RAP1GAP: variants seen among roughly 807,000 people sequenced by gnomAD.
The protein encoded by RAP1GAP is RAP1 GTPase activating protein.
In RAP1GAP, 35 loss-of-function variants were observed where a neutral mutation model predicts 87.2. The observed-to-expected ratio is 0.40, with a 90% CI of 0.31 to 0.53. The LOEUF is 0.53. Among genes scored for constraint, RAP1GAP ranks in the 20% least tolerant of loss-of-function variants. The pLI is 0.48. For missense variants in RAP1GAP, 734 were observed against 898.9 expected (o/e 0.82, Z 2.35); for synonymous variants, 375 against 363.9 (o/e 1.03, Z -0.35).
rs181692828 is a variant in RAP1GAP, at chr1:21,603,195, C to T, written c.1429-282G>A. 651 of 442,272 alleles carry T rather than the reference C, an allele frequency of 1.5e-3. 4 individuals carry two copies. Among genetic ancestry groups the T allele is most frequent in the African/African-American group, 0.012 (590 of 50,260 alleles). The allele number at this position is 442,272 out of a possible 1,614,324, so 27.4% of individuals were successfully genotyped here. On this transcript the variant is annotated intron_variant, in intron 18 of 24. Coordinates refer to ENST00000374765, the MANE Select transcript of RAP1GAP (RefSeq NM_002885.4). This position sits in a 1 kb window ranked among gnomAD's most constrained non-coding sequence, Gnocchi z 6.0. Reference sequence around the variant, plus strand: ...TGAGGGGGCTAGGGTGGGAGGAGGCCGAGTCCTCAGAATGGCTACCGCTCC... The same window carrying T: ...TGAGGGGGCTAGGGTGGGAGGAGGCTGAGTCCTCAGAATGGCTACCGCTCC...
intron 1 of RAP1GAP, among the ~76,000 whole-genome samples, chr1:21,659,290 T>C (rs1044628370): frequency 6.6e-6 from 1 of 152,164 alleles, no homozygotes; most frequent in Non-Finnish European, 1.5e-5. Flanking sequence ...TCATAAGAAC[T>C]GCAGGCGACG....
Position 21,649,795 on chromosome 1 carries a change from C to T in RAP1GAP, c.-147G>A. The T allele has an allele frequency of 6.4e-7, 1 of 1,552,178 alleles. No individual in the cohort carries two copies. The highest frequency in any genetic ancestry group is 8.7e-7 in the Non-Finnish European group (1 of 1,147,258). On this transcript the variant is annotated splice_region_variant and 5_prime_UTR_variant, in exon 2 of 25. It adds an upstream start codon to the 5' untranslated region. Transcript: ENST00000374765. ...CGGCGAGAAGTGAAGGACTTGTCCA[C>T]CCTGAAACACAACAAGAGGGGCCAT...
intron 2 of RAP1GAP, among the ~76,000 whole-genome samples, chr1:21,641,074 A>ATTTTTTTTTTTT (rs546229041): frequency 1.5e-5 from 2 of 132,134 alleles, no homozygotes; most frequent in Non-Finnish European, 1.6e-5. Flanking sequence ...CGCCCAGCTA[A>ATTTTTTTTTTTT]TTTTTTTTTT....
intron 1 of RAP1GAP, among the ~76,000 whole-genome samples, chr1:21,659,250 G>T (rs1247530640): frequency 6.6e-6 from 1 of 152,138 alleles, no homozygotes. Flanking sequence ...CCGGGAGTCC[G>T]CCGCGGTCTC....
chr1:21,640,962 C>A (rs559426364), intron 2 of RAP1GAP, among the ~76,000 whole-genome samples: 1 of 151,820 alleles, frequency 6.6e-6, no homozygotes, highest in Non-Finnish European at 1.5e-5. Context: ...GGCTGGAGTG[C>A]GGTGGTGTGA....
chr1:21,649,833 A>G (rs1347426169), intron 1 of RAP1GAP, 37 bp from the exon 2 acceptor site: 2 of 1,547,114 alleles, frequency 1.3e-6, no homozygotes, highest in Non-Finnish European at 1.7e-6. Flanking sequence ...GTGAGGGGAC[A>G]TCCCTTCTCA....
rs769852665 is a variant in RAP1GAP, at chr1:21,603,814, G to A, written c.1429-901C>T. The A allele has an allele frequency of 1.7e-5, 27 of 1,607,760 alleles. No individual in the cohort carries two copies. The highest frequency in any genetic ancestry group is 5.0e-5 in the Admixed American group (3 of 59,910). On this transcript the variant is annotated intron_variant, in intron 18 of 24. Transcript: ENST00000374765. This position sits in a 1 kb window ranked among gnomAD's most constrained non-coding sequence, Gnocchi z 6.0. ...GCGCGTGCAGGCAGCCTCCAGAGCC[G>A]GCGGCCCCGCGGACGACAACCTCTT...
intron 2 of RAP1GAP, among the ~76,000 whole-genome samples, chr1:21,635,304 AG>A (rs1026865307): frequency 6.6e-6 from 1 of 152,028 alleles, no homozygotes; most frequent in Non-Finnish European, 1.5e-5. Flanking sequence ...TCCGCAGCCC[AG>A]GGGGTCTCCC....
chr1:21,627,717 A>T (rs1377162379), intron 2 of RAP1GAP, among the ~76,000 whole-genome samples: 1 of 151,970 alleles, frequency 6.6e-6, no homozygotes, highest in Admixed American at 6.6e-5. Context: ...GCCCAGTCTG[A>T]GCCTCCCTTC....
At chr1:21,653,543 A>ACTTC (rs71569840) in intron 1 of RAP1GAP, among the ~76,000 whole-genome samples, 19,197 of 123,466 alleles carry the variant, frequency 0.16, 1,925 homozygotes, top group South Asian at 0.21. Context: ...GAAGGGAGGA[A>ACTTC]CTTCCTTCCT....
Position 21,609,563 on chromosome 1 carries a change from G to C in RAP1GAP, c.1071+12C>G. ...GTCCTGCTCTGCCCATGACTGGGGG[G>C]GTGCCCCTCACCTTCCTGAACACAG... On this transcript the variant is annotated intron_variant, in intron 15 of 24. Coordinates refer to ENST00000374765, the MANE Select transcript of RAP1GAP (RefSeq NM_002885.4). This position sits in a 1 kb window ranked among gnomAD's most constrained non-coding sequence, Gnocchi z 4.4. 6.7e-7 allele frequency: 1 copy of C among 1,489,954 alleles called. No homozygotes were observed. Among genetic ancestry groups the C allele is most frequent in the Non-Finnish European group, 9.1e-7 (1 of 1,101,664 alleles). The allele number at this position is 1,489,954 out of a possible 1,614,324, so 92.3% of individuals were successfully genotyped here.
rs1298126775 is a variant in RAP1GAP, at chr1:21,654,005, G to C, written c.-148-4209C>G. Among the ~76,000 whole-genome samples the C allele has an allele frequency of 8.6e-5, 13 of 151,548 alleles. No individual in the cohort carries two copies. In the East Asian group the frequency reaches 2.0e-3, roughly 23 times the overall value. On this transcript the variant is annotated intron_variant, in intron 1 of 24. Transcript: ENST00000374765. The stretch of plus-strand genomic sequence containing the variant: ...TTGAGAGGGGCCATGGGGGCTGAAG[G>C]GTTCCCACCGAAGACAAAGAGCCCA...
At chr1:21,663,540 A>T (rs2097225644) in intron 1 of RAP1GAP, among the ~76,000 whole-genome samples, 1 of 152,192 alleles carries the variant, frequency 6.6e-6, no homozygotes, top group South Asian at 2.1e-4. Flanking sequence ...CCGAGCTTGC[A>T]GGCAGGAAGA....
Position 21,660,365 on chromosome 1 carries a change from G to T in RAP1GAP, c.-149+8889C>A, listed in dbSNP as rs147480589. On this transcript the variant is annotated intron_variant, in intron 1 of 24. Transcript: ENST00000374765. ...TATATATATTTATTGAGACAGTCTC[G>T]CTCTGTCACCCAGGCTGGAGTGCAA... Among the ~76,000 whole-genome samples the T allele has an allele frequency of 3.0e-3, 119 of 39,130 alleles. 1 individual carries two copies. The highest frequency in any genetic ancestry group is 0.011 in the African/African-American group (114 of 10,646). 25.7% of individuals were successfully genotyped at this position (39,130 alleles called of 152,430 possible).
At chr1:21,630,492 G>A (rs2093517593) in intron 2 of RAP1GAP, among the ~76,000 whole-genome samples, 1 of 151,034 alleles carries the variant, frequency 6.6e-6, no homozygotes, top group Non-Finnish European at 1.5e-5. Context: ...CCGGGCTCAA[G>A]AGATCCTCCC....
At position 21,626,299 on chromosome 1, in the gene RAP1GAP, C is replaced by T; in HGVS notation, c.-19+5G>A. ...GGGGCCGTAGGTATGGAGGGGGACA[C>T]TTACCTTAGGGTAGAGTGAAGGAGT... On this transcript the variant is annotated splice_donor_5th_base_variant and intron_variant, in intron 3 of 24. Transcript: ENST00000374765. The T allele has an allele frequency of 6.3e-7, 1 of 1,596,810 alleles. No homozygotes were observed. Among genetic ancestry groups the T allele is most frequent in the Non-Finnish European group, 8.6e-7 (1 of 1,164,396 alleles).
At chr1:21,624,679 G>A (rs528017859) in intron 3 of RAP1GAP, among the ~76,000 whole-genome samples, 31 of 152,258 alleles carry the variant, frequency 2.0e-4, no homozygotes, top group South Asian at 1.0e-3. Flanking sequence ...GTGGGCTGTC[G>A]GGAAGGGAAG....
intron 2 of RAP1GAP, among the ~76,000 whole-genome samples, chr1:21,642,417 A>G (rs2095609170): frequency 6.6e-6 from 1 of 152,166 alleles, no homozygotes; most frequent in Admixed American, 6.5e-5. Flanking sequence ...TCCAGGTAGT[A>G]CTTTTATTGC....
Position 21,603,088 on chromosome 1 carries a change from G to A in RAP1GAP, c.1429-175C>T. ...CCTCCCAGTTTACGAAAGGGAAACA[G>A]TCCCCAGGAGGGCAAGGGGCTCTCC... is the stretch of plus-strand genomic sequence containing the variant. On this transcript the variant is annotated intron_variant, in intron 18 of 24. Transcript: ENST00000374765. This position sits in a 1 kb window ranked among gnomAD's most constrained non-coding sequence, Gnocchi z 6.0. 1.7e-6 allele frequency: 1 copy of A among 586,122 alleles called. No individual in the cohort carries two copies. The highest frequency in any genetic ancestry group is 3.0e-6 in the Non-Finnish European group (1 of 329,362). 36.3% of individuals were successfully genotyped at this position (586,122 alleles called of 1,614,324 possible).
Sources: gnomAD v4.1 joint callset for allele counts (sites outside exome capture counted in the v4.1 genomes callset) on GRCh38, gnomAD v4.1.1 for gene constraint, Gnocchi (gnomAD v3.1) non-coding constraint, MANE v1.5 for transcripts, NCBI Gene and HGNC (gene_info 2026-07-23, HGNC 2026-07-21) for gene names.